UBE2D2: variants seen among roughly 807,000 people sequenced by gnomAD.
UBE2D2 encodes the protein ubiquitin conjugating enzyme E2 D2, also known as ubiquitin-conjugating enzyme E2 D2.
Under a neutral mutation model 24.2 loss-of-function variants are expected in UBE2D2, and 2 were observed. The observed-to-expected ratio is 0.08, with a 90% CI of 0.03 to 0.26. The LOEUF (loss-of-function observed/expected upper bound fraction) is 0.26, where lower values mean the gene tolerates loss of function less well. Among genes scored for constraint, UBE2D2 ranks in the 10% least tolerant of loss-of-function variants. The pLI, the probability that UBE2D2 is intolerant of heterozygous loss-of-function variation, is 1.00. For missense variants in UBE2D2, 44 were observed against 177.6 expected (o/e 0.25, Z 4.28); for synonymous variants, 58 against 56.5 (o/e 1.03, Z -0.12).
rs367595493 is a variant in UBE2D2, at chr5:139,621,626, T to C, written c.305-1742T>C. On this transcript the variant is annotated intron_variant, in intron 5 of 6. Transcript: ENST00000398733. The stretch of plus-strand genomic sequence containing the variant: ...AATATTCAGTAGTGTGGCTGTCTTT[T>C]TTTTTTTTCTTTTTGAGGCAGGGTC... 2.4e-4 allele frequency among the ~76,000 whole-genome samples: 36 copies of C among 152,266 alleles called. No individual in the cohort carries two copies. In the Middle Eastern group the frequency reaches 0.01, roughly 43 times the overall value.
intron 2 of UBE2D2, among the ~76,000 whole-genome samples, chr5:139,601,465 G>A (rs901637492): frequency 6.6e-5 from 10 of 152,192 alleles, no homozygotes; most frequent in Middle Eastern, 6.8e-3. Context: ...AAAATTAGCC[G>A]GGTATGTTGG....
At chr5:139,611,343 C>T (rs1055403079) in intron 2 of UBE2D2, among the ~76,000 whole-genome samples, 4 of 151,714 alleles carry the variant, frequency 2.6e-5, no homozygotes, top group African/African-American at 7.3e-5. Flanking sequence ...CCCGCCATCA[C>T]GCCCAGCTAA....
intron 1 of UBE2D2, among the ~76,000 whole-genome samples, chr5:139,593,132 A>T (rs1253182448): frequency 6.6e-6 from 1 of 151,276 alleles, no homozygotes; most frequent in African/African-American, 2.4e-5. Flanking sequence ...AGTAGCTGGG[A>T]CTACAGGCAA....
At position 139,619,338 on chromosome 5, in the gene UBE2D2, G is replaced by A. The variant is rs372983304; in HGVS notation, c.305-4030G>A. ...TTGAACCTGGGAGGGAGAGGTTGCA[G>A]TGAGCCAACATCACACCACTGTGCT... On this transcript the variant is annotated intron_variant, in intron 5 of 6. Transcript: ENST00000398733. Among the ~76,000 whole-genome samples, 9 of 151,290 alleles carry A rather than the reference G, an allele frequency of 5.9e-5. No individual in the cohort carries two copies. The East Asian group carries it at 1.7e-3, about 29-fold the overall frequency.
At chr5:139,604,880 T>TAAAAAAAAAAAAAAA in intron 2 of UBE2D2, among the ~76,000 whole-genome samples, 1 of 127,408 alleles carries the variant, frequency 7.8e-6, no homozygotes. Flanking sequence ...ACCCAGTCTC[T>TAAAAAAAAAAAAAAA]AAAAAAAAAA....
intron 1 of UBE2D2, among the ~76,000 whole-genome samples, chr5:139,598,064 G>C (rs952236353): frequency 1.5e-4 from 23 of 152,170 alleles, no homozygotes; most frequent in African/African-American, 5.3e-4. Flanking sequence ...ACCATGCCTG[G>C]CTAATTTTTT....
At chr5:139,578,314 A>G (rs1753523933) in intron 1 of UBE2D2, among the ~76,000 whole-genome samples, 1 of 152,152 alleles carries the variant, frequency 6.6e-6, no homozygotes, top group Non-Finnish European at 1.5e-5. Context: ...CCTACTTGCT[A>G]TAGAAGTAGA....
chr5:139,600,326 G>T lies in UBE2D2; in HGVS notation c.25-46G>T. 3 of 1,589,454 alleles carry T rather than the reference G, an allele frequency of 1.9e-6. No homozygotes were observed. In the South Asian group the frequency reaches 3.3e-5, roughly 18 times the overall value. ...ATATAAACTTTAGTAATGGATAAAA[G>T]GTACATTTATGTTGAATATATTTCT... On this transcript the variant is annotated intron_variant, in intron 1 of 6. Coordinates refer to ENST00000398733, the MANE Select transcript of UBE2D2 (RefSeq NM_003339.3).
At chr5:139,603,449 C>A (rs1484794943) in intron 2 of UBE2D2, among the ~76,000 whole-genome samples, 2 of 151,324 alleles carry the variant, frequency 1.3e-5, no homozygotes, top group Admixed American at 1.3e-4. Context: ...ATGGTGAAAC[C>A]CTGTCTCTAC....
At chr5:139,549,687 C>T (rs1024867377) in intron 1 of UBE2D2, among the ~76,000 whole-genome samples, 6 of 152,222 alleles carry the variant, frequency 3.9e-5, no homozygotes, top group African/African-American at 1.4e-4. Flanking sequence ...CCCTGCTCCG[C>T]GGCGCCCCAT....
chr5:139,596,468 A>G (rs1030507143), intron 1 of UBE2D2, among the ~76,000 whole-genome samples: 4 of 150,478 alleles, frequency 2.7e-5, no homozygotes, highest in Non-Finnish European at 5.9e-5. Flanking sequence ...TAATTTTTGT[A>G]TTTTTTTTAG....
At chr5:139,586,176 G>A (rs1753721866) in intron 1 of UBE2D2, among the ~76,000 whole-genome samples, 1 of 151,810 alleles carries the variant, frequency 6.6e-6, no homozygotes, top group South Asian at 2.1e-4. Flanking sequence ...AGATTATCTG[G>A]GGTCTAGCTT....
At chr5:139,536,870 T>C (rs1752687687) in intron 1 of UBE2D2, among the ~76,000 whole-genome samples, 1 of 152,118 alleles carries the variant, frequency 6.6e-6, no homozygotes, top group African/African-American at 2.4e-5. Context: ...ACAGTATTAT[T>C]ATCATGCTTT....
intron 1 of UBE2D2, among the ~76,000 whole-genome samples, chr5:139,572,821 T>C (rs1296782684): frequency 6.6e-6 from 1 of 151,810 alleles, no homozygotes; most frequent in Non-Finnish European, 1.5e-5. Context: ...TGGCTGATTT[T>C]TGTATTTTTA....
chr5:139,532,608 C>T (rs1215407917), intron 1 of UBE2D2, among the ~76,000 whole-genome samples: 1 of 151,882 alleles, frequency 6.6e-6, no homozygotes, highest in Non-Finnish European at 1.5e-5. Flanking sequence ...GCCTTGGCCT[C>T]CCAAAATGCT....
In UBE2D2 at chr5:139,605,591, C is replaced by CAA. The variant is rs70988710; in HGVS notation, c.88+5178_88+5179dup. Among the ~76,000 whole-genome samples the CAA allele has an allele frequency of 6.8e-3, 301 of 44,202 alleles. 3 individuals are homozygous for CAA. Among genetic ancestry groups the CAA allele is most frequent in the African/African-American group, 0.011 (127 of 11,524 alleles). The allele number at this position is 44,202 out of a possible 152,430, so 29.0% of individuals were successfully genotyped here. ...TGTGTGACAGAGCAAGACTCTGTCT[C>CAA]AAAAAAAAAAAAAAAAAAAAAAAGA... On this transcript the variant is annotated intron_variant, in intron 2 of 6. Transcript: ENST00000398733.
upstream of UBE2D2, chr5:139,561,096 T>A (rs1471471933): frequency 2.6e-5 from 4 of 152,684 alleles, no homozygotes; most frequent in African/African-American, 7.2e-5. Flanking sequence ...CCATCAGCAA[T>A]GAAGTCAACG....
At chr5:139,540,649 T>C (rs1472870803) in intron 1 of UBE2D2, among the ~76,000 whole-genome samples, 1 of 152,182 alleles carries the variant, frequency 6.6e-6, no homozygotes, top group Non-Finnish European at 1.5e-5. Context: ...CCTGTATTCT[T>C]AACCACTATG....
chr5:139,531,468 G>A (rs945973715), intron 1 of UBE2D2, among the ~76,000 whole-genome samples: 5 of 152,014 alleles, frequency 3.3e-5, no homozygotes, highest in South Asian at 2.1e-4. Flanking sequence ...CGGGGAGATC[G>A]GATTTTAAGG....
Sources: allele counts gnomAD v4.1 joint callset (sites outside exome capture counted in the v4.1 genomes callset), GRCh38; gene constraint gnomAD v4.1.1; transcripts MANE v1.5; gene names NCBI Gene and HGNC (gene_info 2026-07-23, HGNC 2026-07-21).